The following ARHGEF18 variants were observed in gnomAD, a reference collection of about 807,000 sequenced individuals.
The protein encoded by ARHGEF18 is Rho/Rac guanine nucleotide exchange factor 18.
Under a neutral mutation model 155.7 loss-of-function variants are expected in ARHGEF18, and 93 were observed. The observed-to-expected ratio is 0.60, with a 90% CI of 0.50 to 0.71. The LOEUF is 0.71. Among genes scored for constraint, ARHGEF18 ranks in the 30% least tolerant of loss-of-function variants. The pLI is 0.00. For synonymous variants in ARHGEF18, 742 were observed against 753.1 expected (o/e 0.99, Z 0.24); for missense variants, 1,593 against 1,816.1 (o/e 0.88, Z 2.23).
At chr19:7,355,052 C>T (rs771917073) in intron 1 of ARHGEF18, among the ~76,000 whole-genome samples, 10 of 150,928 alleles carry the variant, frequency 6.6e-5, no homozygotes, top group South Asian at 2.1e-4. Flanking sequence ...TCTGACCTCA[C>T]GGATACCAAT....
At chr19:7,477,231 C>T (rs749552660), downstream of ARHGEF18, 96 of 1,533,806 alleles carry the variant, frequency 6.3e-5, 1 homozygote, top group South Asian at 3.8e-4. Flanking sequence ...GCCTGGCCGC[C>T]GGCCCGGGCC....
At chr19:7,385,866 T>C (rs867550980) in intron 10 of ARHGEF18, among the ~76,000 whole-genome samples, 10 of 82,134 alleles carry the variant, frequency 1.2e-4, no homozygotes, top group African/African-American at 1.6e-4. Flanking sequence ...TCTCTCTCTC[T>C]CTCTCCCCCC....
chr19:7,353,652 T>C (rs890809772), intron 1 of ARHGEF18, among the ~76,000 whole-genome samples: 1 of 151,546 alleles, frequency 6.6e-6, no homozygotes, highest in South Asian at 2.1e-4. Flanking sequence ...CCCTGTTGTA[T>C]TTTTTTAAAG....
intron 10 of ARHGEF18, among the ~76,000 whole-genome samples, chr19:7,398,186 C>G (rs934495346): frequency 1.3e-5 from 2 of 152,114 alleles, no homozygotes; most frequent in Admixed American, 6.5e-5. Flanking sequence ...AATTTCGCCT[C>G]AGCCTCCCGA....
chr19:7,467,128 C>T lies in ARHGEF18; in HGVS notation c.3009+10C>T, dbSNP rs770221404. On this transcript the variant is annotated intron_variant, in intron 25 of 28. Transcript: ENST00000668164. Reference sequence around the variant, plus strand: ...GCTCCTGAACCTTCAGGTACAGGGGCGGGGTGGGGCCGGCCACGCGTGCCC... The same window carrying T: ...GCTCCTGAACCTTCAGGTACAGGGGTGGGGTGGGGCCGGCCACGCGTGCCC... The T allele has an allele frequency of 4.7e-5, 75 of 1,593,136 alleles. No individual in the cohort carries two copies. The highest frequency in any genetic ancestry group is 6.2e-5 in the Non-Finnish European group (72 of 1,165,910).
chr19:7,459,396 T>C (rs1025495606), intron 19 of ARHGEF18, among the ~76,000 whole-genome samples: 1 of 152,112 alleles, frequency 6.6e-6, no homozygotes, highest in Non-Finnish European at 1.5e-5. Context: ...AGATTTTTTA[T>C]TTTTGTAGAG....
chr19:7,356,042 G>A (rs1372730609), intron 1 of ARHGEF18, among the ~76,000 whole-genome samples: 1 of 152,056 alleles, frequency 6.6e-6, no homozygotes, highest in Non-Finnish European at 1.5e-5. Context: ...GTTGGTTTCT[G>A]GCCCAGCTGC....
chr19:7,460,962 T>C (rs1433243044), intron 20 of ARHGEF18, among the ~76,000 whole-genome samples: 1 of 151,960 alleles, frequency 6.6e-6, no homozygotes, highest in Admixed American at 6.6e-5. Context: ...CTAATTTTTG[T>C]GTTTTTAGTA....
intron 10 of ARHGEF18, among the ~76,000 whole-genome samples, chr19:7,439,068 T>A (rs1974457053): frequency 6.6e-6 from 1 of 151,860 alleles, no homozygotes; most frequent in Non-Finnish European, 1.5e-5. Context: ...TTATTTTTTT[T>A]AAGTAGAGAC....
At chr19:7,361,990 T>TGGAAGAAGAAGAAGAAGAAGAGGAAGA (rs1480073639) in intron 1 of ARHGEF18, among the ~76,000 whole-genome samples, 1 of 110,998 alleles carries the variant, frequency 9.0e-6, no homozygotes, top group South Asian at 2.8e-4. Flanking sequence ...CAAGACTCTG[T>TGGAAGAAGAAGAAGAAGAAGAGGAAGA]GGAAGAAGAA....
At chr19:7,389,773 G>A (rs1428047452) in intron 10 of ARHGEF18, among the ~76,000 whole-genome samples, 1 of 152,080 alleles carries the variant, frequency 6.6e-6, no homozygotes, top group Non-Finnish European at 1.5e-5. Context: ...GGCCTCAAGC[G>A]ATCCGCCCAC....
In ARHGEF18 at chr19:7,440,408, T is replaced by A. The variant is rs1000672811; in HGVS notation, c.1032T>A (p.Asn344Lys). Residue 344 changes from asparagine to lysine, a missense_variant, in exon 11 of 29, where the codon AAT becomes AAA. Asn to Lys is a moderately conservative substitution (Grantham distance 94). Coordinates refer to ENST00000668164, the MANE Select transcript of ARHGEF18 (RefSeq NM_001367823.1). This position sits in a 1 kb window ranked among gnomAD's most constrained non-coding sequence, Gnocchi z 5.4. ...LSDGSPALSRNVGMTVSQKGG... is the reference protein window; with the variant it reads ...LSDGSPALSRKVGMTVSQKGG... The stretch of plus-strand genomic sequence containing the variant: ...ATGGCAGCCCGGCCCTGTCCAGGAA[T>A]GTCGGTATGACGGTCTCTCAGAAAG... The A allele has an allele frequency of 5.0e-6, 8 of 1,607,004 alleles. No individual in the cohort carries two copies. Among genetic ancestry groups the A allele is most frequent in the South Asian group, 1.1e-5 (1 of 91,080 alleles).
chr19:7,455,889 C>T (rs762662373), intron 17 of ARHGEF18, among the ~76,000 whole-genome samples: 5 of 152,178 alleles, frequency 3.3e-5, no homozygotes, highest in East Asian at 1.9e-4. Flanking sequence ...TTCACTATCA[C>T]GAGAACGGCA....
At chr19:7,379,072 G>C in intron 6 of ARHGEF18, 50 bp from the exon 7 acceptor site, 1 of 1,230,014 alleles carries the variant, frequency 8.1e-7, no homozygotes, top group Non-Finnish European at 1.0e-6. Context: ...GAGAGTGTCT[G>C]TAACCTGGAG....
In ARHGEF18 at chr19:7,410,809, C is replaced by CA. The variant is rs58022667; in HGVS notation, c.967+27625dup. Among the ~76,000 whole-genome samples the CA allele has an allele frequency of 1.2e-3, 99 of 82,220 alleles. 5 individuals are homozygous for CA. Among genetic ancestry groups the CA allele is most frequent in the Admixed American group, 1.9e-3 (11 of 5,868 alleles). The allele number at this position is 82,220 out of a possible 152,430, so 53.9% of individuals were successfully genotyped here. A position where few individuals can be genotyped will look rare whatever the true frequency, so the allele number is the denominator to read the frequency against. On this transcript the variant is annotated intron_variant, in intron 10 of 28. Transcript: ENST00000668164. The stretch of plus-strand genomic sequence containing the variant: ...TGGGCAGCAGCGTGAGACTCCATCT[C>CA]AAAAAAAAAAAAAAAAAAAGGTTTT...
Position 7,458,656 on chromosome 19 carries a change from G to A in ARHGEF18, c.2326G>A (p.Ala776Thr), listed in dbSNP as rs374950645. 5.7e-5 allele frequency: 92 copies of A among 1,613,782 alleles called. No individual in the cohort carries two copies. The highest frequency in any genetic ancestry group is 7.1e-5 in the Non-Finnish European group (84 of 1,179,922). ...CACGAGCTCCAAAGAGGACAGGAAC[G>A]CCTGGATGGCCCACATCCAAAGGGC... Reference protein sequence around the residue: ...IYTSSKEDRNAWMAHIQRAVE... With the variant: ...IYTSSKEDRNTWMAHIQRAVE... Residue 776 changes from alanine to threonine, a missense_variant, in exon 19 of 29, where the codon GCC becomes ACC. Transcript: ENST00000668164.
chr19:7,350,342 A>G (rs1191715017), intron 1 of ARHGEF18, among the ~76,000 whole-genome samples: 2 of 152,148 alleles, frequency 1.3e-5, no homozygotes, highest in Non-Finnish European at 2.9e-5. Flanking sequence ...CTGATGCTCC[A>G]AGGCCAGGTC....
In ARHGEF18 at chr19:7,470,116, T is replaced by C; in HGVS notation, c.3914-10T>C. 6.2e-7 allele frequency: 1 copy of C among 1,611,938 alleles called. No homozygotes were observed. The highest frequency in any genetic ancestry group is 8.5e-7 in the Non-Finnish European group (1 of 1,179,576). On this transcript the variant is annotated splice_polypyrimidine_tract_variant and intron_variant, in intron 28 of 28. Coordinates refer to ENST00000668164, the MANE Select transcript of ARHGEF18 (RefSeq NM_001367823.1). This position sits in a 1 kb window ranked among gnomAD's most constrained non-coding sequence, Gnocchi z 5.9. Reference sequence around the variant, plus strand: ...GCGACTGCTCAGTCTGAACCCTCTCTCTGTTCCAGACCCTGGCTTCCCCGC... The same window carrying C: ...GCGACTGCTCAGTCTGAACCCTCTCCCTGTTCCAGACCCTGGCTTCCCCGC...
chr19:7,410,143 C>G (rs1017394780), intron 10 of ARHGEF18, among the ~76,000 whole-genome samples: 6 of 151,854 alleles, frequency 4.0e-5, no homozygotes, highest in African/African-American at 1.5e-4. Context: ...TTCCCTTTTT[C>G]CAGAAATGCA....
Sources: allele counts gnomAD v4.1 joint callset (sites outside exome capture counted in the v4.1 genomes callset), GRCh38; gene constraint gnomAD v4.1.1; non-coding constraint Gnocchi (gnomAD v3.1); transcripts MANE v1.5; gene names NCBI Gene and HGNC (gene_info 2026-07-23, HGNC 2026-07-21).